Variants in KIAA1328 observed in about 807,000 individuals in gnomAD.
The protein encoded by KIAA1328 is protein hinderin.
In KIAA1328, 52 loss-of-function variants were observed where a neutral mutation model predicts 68.1. The observed-to-expected ratio is 0.76, with a 90% CI of 0.61 to 0.96. KIAA1328 has a LOEUF of 0.96. Ranked by LOEUF, KIAA1328 falls within the 40% of genes least tolerant of loss-of-function variation. The pLI is 0.00. For missense variants in KIAA1328, 641 were observed against 677.6 expected (o/e 0.95, Z 0.60); for synonymous variants, 232 against 239.4 (o/e 0.97, Z 0.28).
intron 6 of KIAA1328, among the ~76,000 whole-genome samples, chr18:37,057,148 A>G (rs893478747): frequency 6.6e-5 from 10 of 152,178 alleles, no homozygotes; most frequent in African/African-American, 2.2e-4. Flanking sequence ...GTACATTTCA[A>G]GTCATATTGT....
intron 5 of KIAA1328, among the ~76,000 whole-genome samples, chr18:36,934,731 G>A (rs1457357025): frequency 6.6e-6 from 1 of 151,602 alleles, no homozygotes; most frequent in African/African-American, 2.4e-5. Flanking sequence ...TACCATTTTT[G>A]TGAGACTAAC....
chr18:37,039,369 C>T (rs1234641984), intron 6 of KIAA1328, among the ~76,000 whole-genome samples: 1 of 150,948 alleles, frequency 6.6e-6, no homozygotes, highest in African/African-American at 2.4e-5. Context: ...TTTTTCAATA[C>T]CAATTCAGTT....
chr18:36,921,567 C>A (rs949286112), intron 5 of KIAA1328, among the ~76,000 whole-genome samples: 1 of 151,930 alleles, frequency 6.6e-6, no homozygotes, highest in African/African-American at 2.4e-5. Context: ...CCACACCGAG[C>A]TAATTTTTTT....
At chr18:36,909,609 C>T (rs545547728) in intron 5 of KIAA1328, among the ~76,000 whole-genome samples, 1 of 152,256 alleles carries the variant, frequency 6.6e-6, no homozygotes, top group East Asian at 1.9e-4. Flanking sequence ...GTGCATGTGT[C>T]TTTATAGCAG....
chr18:37,185,826 C>A (rs2059787090), intron 9 of KIAA1328, among the ~76,000 whole-genome samples: 2 of 151,872 alleles, frequency 1.3e-5, no homozygotes, highest in Non-Finnish European at 1.5e-5. Flanking sequence ...AAAAGACTGT[C>A]TGTTTTTCTC....
chr18:36,872,900 G>C (rs2047994858), intron 4 of KIAA1328, among the ~76,000 whole-genome samples: 1 of 152,082 alleles, frequency 6.6e-6, no homozygotes, highest in Non-Finnish European at 1.5e-5. Context: ...CTTCCTGGAG[G>C]CCCTATTGTT....
intron 6 of KIAA1328, among the ~76,000 whole-genome samples, chr18:37,008,699 A>G (rs1175039414): frequency 6.6e-6 from 1 of 152,222 alleles, no homozygotes; most frequent in Non-Finnish European, 1.5e-5. Flanking sequence ...GCAGAGAAAT[A>G]GAGACTATAA....
At chr18:36,850,050 T>G (rs2047161351) in intron 4 of KIAA1328, among the ~76,000 whole-genome samples, 1 of 152,068 alleles carries the variant, frequency 6.6e-6, no homozygotes, top group African/African-American at 2.4e-5. Context: ...ATTGGGGTGT[T>G]TTTCTTTTTT....
chr18:36,947,003 G>T (rs2050930148), intron 5 of KIAA1328, among the ~76,000 whole-genome samples: 1 of 152,076 alleles, frequency 6.6e-6, no homozygotes, highest in Non-Finnish European at 1.5e-5. Context: ...CTTAAACTCG[G>T]TTTACATTTC....
chr18:36,829,804 T>G (rs1046667763), intron 1 of KIAA1328, among the ~76,000 whole-genome samples: 1 of 152,182 alleles, frequency 6.6e-6, no homozygotes, highest in Non-Finnish European at 1.5e-5. Context: ...TATTGTTGAC[T>G]TACTTGTGGA....
At chr18:37,225,528 C>T (rs1437054167), downstream of KIAA1328, among the ~76,000 whole-genome samples, 1 of 152,170 alleles carries the variant, frequency 6.6e-6, no homozygotes, top group Non-Finnish European at 1.5e-5. Context: ...TGCTGTGGCT[C>T]CTGCTCACTC....
At chr18:36,928,663 TA>T (rs1362901438) in intron 5 of KIAA1328, among the ~76,000 whole-genome samples, 5 of 152,166 alleles carry the variant, frequency 3.3e-5, no homozygotes, top group Admixed American at 6.6e-5. Context: ...ATGGTATGTA[TA>T]GGGGTGAGAG....
intron 5 of KIAA1328, among the ~76,000 whole-genome samples, chr18:36,948,387 G>A (rs1204765746): frequency 1.3e-5 from 2 of 149,648 alleles, no homozygotes; most frequent in Non-Finnish European, 3.0e-5. Flanking sequence ...TCAGCCTCCT[G>A]AGTAGCTGGG....
chr18:36,974,138 A>G (rs951286679), intron 6 of KIAA1328, among the ~76,000 whole-genome samples: 19 of 152,068 alleles, frequency 1.2e-4, no homozygotes, highest in Non-Finnish European at 4.4e-5. Context: ...TTTGTTCTCA[A>G]TTCTCCATCT....
chr18:37,108,951 C>G (rs2057852904), intron 7 of KIAA1328, among the ~76,000 whole-genome samples: 1 of 148,420 alleles, frequency 6.7e-6, no homozygotes, highest in South Asian at 2.2e-4. Flanking sequence ...CTGACAGGCC[C>G]TGGCGTGTGA....
At chr18:37,227,742 T>C (rs1471074216), downstream of KIAA1328, among the ~76,000 whole-genome samples, 3 of 152,240 alleles carry the variant, frequency 2.0e-5, no homozygotes, top group Non-Finnish European at 2.9e-5. Context: ...AGAATGTTGT[T>C]TTCATGCCTC....
chr18:36,873,219 A>G (rs866501780), intron 4 of KIAA1328, among the ~76,000 whole-genome samples: 4 of 152,170 alleles, frequency 2.6e-5, no homozygotes, highest in Non-Finnish European at 5.9e-5. Flanking sequence ...AAAAGAAACC[A>G]GGTGGCATCT....
At chr18:36,987,266 A>G (rs1451451077) in intron 6 of KIAA1328, among the ~76,000 whole-genome samples, 3 of 122,450 alleles carry the variant, frequency 2.4e-5, no homozygotes, top group African/African-American at 2.9e-5. Context: ...ATTCTCACTC[A>G]TAGGTGGGAA....
At chr18:36,842,327 A>G (rs937811483) in intron 3 of KIAA1328, among the ~76,000 whole-genome samples, 4 of 152,236 alleles carry the variant, frequency 2.6e-5, no homozygotes, top group Admixed American at 2.6e-4. Context: ...GCAAACTGGA[A>G]TCAGCAGTAC....
Sources: allele counts gnomAD v4.1 joint callset (sites outside exome capture counted in the v4.1 genomes callset), GRCh38; gene constraint gnomAD v4.1.1; transcripts MANE v1.5; gene names NCBI Gene and HGNC (gene_info 2026-07-23, HGNC 2026-07-21).